Variants in NFAM1 observed in about 807,000 individuals in gnomAD.
NFAM1 encodes the protein NFAT activation molecule 1.
Under a neutral mutation model 29.0 loss-of-function variants are expected in NFAM1, and 17 were observed. The observed-to-expected ratio is 0.59, with a 90% CI of 0.40 to 0.88. NFAM1 has a LOEUF of 0.88. Ranked by LOEUF, NFAM1 falls within the 40% of genes least tolerant of loss-of-function variation. NFAM1 has a pLI of 0.00. For synonymous variants in NFAM1, 175 were observed against 147.2 expected, an observed-to-expected ratio of 1.19 and a Z score of -1.36; for missense variants, 324 against 344.6, an observed-to-expected ratio of 0.94 and a Z score of 0.47.
chr22:42,436,605 T>C (rs1930947031), upstream of NFAM1, among the ~76,000 whole-genome samples: 2 of 152,218 alleles, frequency 1.3e-5, no homozygotes, highest in South Asian at 4.1e-4. Flanking sequence ...CTGGCCTGGC[T>C]TGTCTCCAGA....
At chr22:42,390,086 G>A (rs1026424206) in intron 4 of NFAM1, among the ~76,000 whole-genome samples, 1 of 152,100 alleles carries the variant, frequency 6.6e-6, no homozygotes. Flanking sequence ...ACGGGAGCAG[G>A]AGGGCCTGGA....
intron 3 of NFAM1, among the ~76,000 whole-genome samples, chr22:42,405,446 A>G (rs2142831): frequency 0.5 from 76,196 of 152,018 alleles, 21,549 homozygotes; most frequent in African/African-American, 0.77. Flanking sequence ...GTGCCTGGGG[A>G]CTGCTCGGTA....
In NFAM1 at chr22:42,432,294, C is replaced by T. The variant is rs920329180; in HGVS notation, c.64G>A (p.Ala22Thr). The T allele has an allele frequency of 4.4e-6, 7 of 1,573,248 alleles. No individual in the cohort carries two copies. The highest frequency in any genetic ancestry group is 2.3e-5 in the East Asian group (1 of 42,722). The change falls in exon 1 of 6, where the codon GCA becomes ACA. Residue 22 changes from alanine to threonine, a missense_variant. By Grantham distance (58) the Ala-to-Thr change is moderately conservative. Coordinates refer to ENST00000329021, the MANE Select transcript of NFAM1 (RefSeq NM_145912.8). The stretch of plus-strand genomic sequence containing the variant: ...ACGCCAAGGAGGAGCCAGGGGGCTG[C>T]GGGGAGCCCAGGAGGGCGTGGGAGG... ...PGLPRPPGLP[A>T]APWLLLGVLL...
At chr22:42,400,711 A>C (rs1481409292) in intron 3 of NFAM1, among the ~76,000 whole-genome samples, 1 of 152,228 alleles carries the variant, frequency 6.6e-6, no homozygotes, top group Non-Finnish European at 1.5e-5. Context: ...GTGTGTCCTC[A>C]AATCCAGGGC....
In NFAM1 at chr22:42,419,989, GGTTTTTTTTTTTTTTTT is replaced by G. The variant is rs1165270027; in HGVS notation, c.122-8270_122-8254del. Among the ~76,000 whole-genome samples, 59 of 56,528 alleles carry G rather than the reference GGTTTTTTTTTTTTTTTT, an allele frequency of 1.0e-3. 1 individual carries two copies. The highest frequency in any genetic ancestry group is 2.2e-3 in the African/African-American group (30 of 13,500). 37.1% of individuals were successfully genotyped at this position (56,528 alleles called of 152,430 possible). On this transcript the variant is annotated intron_variant, in intron 1 of 5. Coordinates refer to ENST00000329021, the MANE Select transcript of NFAM1 (RefSeq NM_145912.8). This position sits in a 1 kb window ranked among gnomAD's most constrained non-coding sequence, Gnocchi z 4.5. ...CCTTTGAGTCTGTAATCCCACTCTT[GGTTTTTTTTTTTTTTTT>G]TTTTTTTTTTTTTTTTTTTTCTGAG...
At chr22:42,387,608 G>T (rs1306164458) in intron 4 of NFAM1, among the ~76,000 whole-genome samples, 1 of 129,370 alleles carries the variant, frequency 7.7e-6, no homozygotes, top group Admixed American at 9.4e-5. Flanking sequence ...GGATAACCCA[G>T]GCACCCACTG....
chr22:42,423,376 T>C (rs1306793493), intron 1 of NFAM1, among the ~76,000 whole-genome samples: 2 of 152,074 alleles, frequency 1.3e-5, no homozygotes, highest in Non-Finnish European at 2.9e-5. Flanking sequence ...GGTCATTATT[T>C]GGTTTTTAAA....
upstream of NFAM1, among the ~76,000 whole-genome samples, chr22:42,433,889 C>G (rs971625429): frequency 6.6e-6 from 1 of 152,128 alleles, no homozygotes. Context: ...TGGTGATAGA[C>G]CTCGTGTCAA....
chr22:42,398,027 G>A (rs1343893406), intron 3 of NFAM1, 71 bp from the exon 4 acceptor site: 16 of 763,690 alleles, frequency 2.1e-5, no homozygotes, highest in Non-Finnish European at 3.1e-5. Flanking sequence ...ACCCCCCAGG[G>A]GAAAGGATGG....
intron 3 of NFAM1, among the ~76,000 whole-genome samples, chr22:42,402,985 C>T (rs560158906): frequency 1.3e-5 from 2 of 152,092 alleles, no homozygotes; most frequent in East Asian, 3.9e-4. Flanking sequence ...CAGGAGCCTA[C>T]CACCATGCCC....
At chr22:42,407,382 TTTTA>T (rs1421951926) in intron 3 of NFAM1, among the ~76,000 whole-genome samples, 1 of 151,844 alleles carries the variant, frequency 6.6e-6, no homozygotes, top group African/African-American at 2.4e-5. Context: ...GCACCCAGCC[TTTTA>T]TTTATTTTTC....
At chr22:42,431,776 C>G (rs868393411) in intron 1 of NFAM1, among the ~76,000 whole-genome samples, 13 of 117,360 alleles carry the variant, frequency 1.1e-4, no homozygotes, top group African/African-American at 4.7e-4. Context: ...GCCCTGGTAT[C>G]CCCCCCTCCC....
intron 1 of NFAM1, 140 bp downstream of exon 1, chr22:42,432,097 T>C: frequency 1.3e-6 from 1 of 775,876 alleles, no homozygotes; most frequent in Admixed American, 2.3e-5. Flanking sequence ...AGGCTTCCCC[T>C]GTGAAGTCTG....
intron 1 of NFAM1, among the ~76,000 whole-genome samples, chr22:42,425,364 C>A (rs1040390930): frequency 6.6e-5 from 10 of 152,196 alleles, no homozygotes; most frequent in Admixed American, 5.9e-4. Flanking sequence ...AATATATATG[C>A]TTCTGGCTGT....
intron 1 of NFAM1, among the ~76,000 whole-genome samples, chr22:42,430,760 T>C (rs989857400): frequency 1.3e-5 from 2 of 152,070 alleles, no homozygotes; most frequent in African/African-American, 4.8e-5. Flanking sequence ...TTTTCCCCAG[T>C]AGCACCCCAT....
At chr22:42,434,042 C>T (rs888200153), upstream of NFAM1, among the ~76,000 whole-genome samples, 4 of 152,150 alleles carry the variant, frequency 2.6e-5, no homozygotes, top group African/African-American at 9.7e-5. Context: ...GTGCCGCCTC[C>T]GCTCCTGCCC....
At chr22:42,407,372 G>A (rs571810072) in intron 3 of NFAM1, among the ~76,000 whole-genome samples, 2 of 151,894 alleles carry the variant, frequency 1.3e-5, no homozygotes, top group South Asian at 2.1e-4. Flanking sequence ...ATAAGCCACC[G>A]CACCCAGCCT....
At chr22:42,386,392 A>AC (rs1569224374) in intron 5 of NFAM1, among the ~76,000 whole-genome samples, 7 of 48,980 alleles carry the variant, frequency 1.4e-4, no homozygotes, top group South Asian at 8.1e-4. Context: ...AACAAAAACA[A>AC]ACAAACACAC....
At chr22:42,396,012 GCA>G (rs1205529140) in intron 4 of NFAM1, among the ~76,000 whole-genome samples, 1 of 152,144 alleles carries the variant, frequency 6.6e-6, no homozygotes, top group Middle Eastern at 3.2e-3. Flanking sequence ...ATGATCCCTG[GCA>G]CATAGTAGGT....
Sources: gnomAD v4.1 joint callset for allele counts (sites outside exome capture counted in the v4.1 genomes callset) on GRCh38, gnomAD v4.1.1 for gene constraint, Gnocchi (gnomAD v3.1) non-coding constraint, MANE v1.5 for transcripts, NCBI Gene and HGNC (gene_info 2026-07-23, HGNC 2026-07-21) for gene names.